The following TRAPPC3L variants were observed in gnomAD, a reference collection of about 807,000 sequenced individuals.
TRAPPC3L encodes the protein trafficking protein particle complex subunit 3L.
In TRAPPC3L, 23 loss-of-function variants were observed where a neutral mutation model predicts 23.7. The ratio of observed to expected loss-of-function variants is 0.97; its 90% CI spans 0.70 to 1.37. The LOEUF is 1.37. Ranked by LOEUF, TRAPPC3L falls within the 40% of genes most tolerant of loss-of-function variation. The pLI, the probability that TRAPPC3L is intolerant of heterozygous loss-of-function variation, is 0.00. For synonymous variants in TRAPPC3L, 81 were observed against 77.9 expected, an observed-to-expected ratio of 1.04 and a Z score of -0.21; for missense variants, 212 against 216.8, an observed-to-expected ratio of 0.98 and a Z score of 0.14.
chr6:116,509,660 TATACAAAA>T (rs1276739547), intron 3 of TRAPPC3L, among the ~76,000 whole-genome samples: 1 of 152,170 alleles, frequency 6.6e-6, no homozygotes, highest in African/African-American at 2.4e-5. Context: ...TCACTCACCA[TATACAAAA>T]ATAAACTCAA....
At position 116,496,278 on chromosome 6, in the gene TRAPPC3L, C is replaced by T. The variant is rs1235377358; in HGVS notation, c.*676G>A. 2 of 152,010 alleles carry T rather than the reference C, an allele frequency of 1.3e-5. No homozygotes were observed. The highest frequency in any genetic ancestry group is 2.9e-5 in the Non-Finnish European group (2 of 67,996). The allele number at this position is 152,010 out of a possible 1,614,324, so 9.4% of individuals were successfully genotyped here. A position where few individuals can be genotyped will look rare whatever the true frequency, so the allele number is the denominator to read the frequency against. ...TATTTTAGAAGTTTCCTGGCCTGAC[C>T]ATCAAGCAATATTTCATGAGAAAAG... On this transcript the variant is annotated 3_prime_UTR_variant, in exon 5 of 5. Transcript: ENST00000368602.
intron 1 of TRAPPC3L, chr6:116,543,905 A>G (rs1335976670): frequency 1.4e-6 from 2 of 1,474,838 alleles, no homozygotes; most frequent in African/African-American, 2.8e-5. Flanking sequence ...TAGAGAAAAA[A>G]GGGGAATGTG....
At chr6:116,508,454 G>A (rs1323275881) in intron 3 of TRAPPC3L, among the ~76,000 whole-genome samples, 2 of 152,164 alleles carry the variant, frequency 1.3e-5, no homozygotes. Context: ...ACTGGCTAAT[G>A]CAGAATTCAA....
rs374744334 is a variant in TRAPPC3L at position 116,495,139 on chromosome 6, C to A, written c.*1815G>T. 1.6e-4 allele frequency: 24 copies of A among 149,726 alleles called. No homozygotes were observed. Among genetic ancestry groups the A allele is most frequent in the African/African-American group, 5.4e-4 (22 of 40,500 alleles). The allele number at this position is 149,726 out of a possible 1,614,324, so 9.3% of individuals were successfully genotyped here. A position where few individuals can be genotyped will look rare whatever the true frequency, so the allele number is the denominator to read the frequency against. ...CATTCTATCTAACTATATTTTTGTA[C>A]CCATTAACCATCTCCACTCCTCTTG... On this transcript the variant is annotated 3_prime_UTR_variant, in exon 5 of 5. Coordinates refer to ENST00000368602, the MANE Select transcript of TRAPPC3L (RefSeq NM_001139444.3).
At chr6:116,501,292 G>T (rs147760254) in intron 3 of TRAPPC3L, among the ~76,000 whole-genome samples, 5 of 152,330 alleles carry the variant, frequency 3.3e-5, no homozygotes, top group Admixed American at 2.0e-4. Context: ...TTGGCGGGGG[G>T]AGGGGTGTCT....
At chr6:116,537,531 C>T (rs909980921) in intron 3 of TRAPPC3L, among the ~76,000 whole-genome samples, 4 of 152,134 alleles carry the variant, frequency 2.6e-5, no homozygotes, top group Non-Finnish European at 5.9e-5. Flanking sequence ...CTTTCCTATG[C>T]TCTCCATAGA....
chr6:116,500,416 T>C, intron 4 of TRAPPC3L, 65 bp downstream of exon 4: 1 of 1,374,020 alleles, frequency 7.3e-7, no homozygotes. Flanking sequence ...GTATATTGGT[T>C]ATCTTATTTT....
chr6:116,515,823 C>T (rs1772213212), intron 3 of TRAPPC3L: 1 of 1,613,962 alleles, frequency 6.2e-7, no homozygotes, highest in Non-Finnish European at 8.5e-7. Flanking sequence ...GATCCTTTTC[C>T]CATGCCTACG....
At chr6:116,540,795 A>G (rs1008094405) in intron 2 of TRAPPC3L, among the ~76,000 whole-genome samples, 1 of 152,194 alleles carries the variant, frequency 6.6e-6, no homozygotes, top group Non-Finnish European at 1.5e-5. Context: ...TAATTTTCTC[A>G]TCATTAGCTA....
At chr6:116,512,299 C>CT in intron 3 of TRAPPC3L, 1 of 1,496,520 alleles carries the variant, frequency 6.7e-7, no homozygotes, top group Non-Finnish European at 9.0e-7. Context: ...CTCTGTGCTC[C>CT]TTTCAGCCAG....
At chr6:116,508,390 A>C (rs1462247744) in intron 3 of TRAPPC3L, among the ~76,000 whole-genome samples, 2 of 152,228 alleles carry the variant, frequency 1.3e-5, no homozygotes, top group Non-Finnish European at 2.9e-5. Context: ...GATGGGGTTC[A>C]GGGAATCTCT....
At chr6:116,515,665 C>T in intron 3 of TRAPPC3L, 1 of 1,613,982 alleles carries the variant, frequency 6.2e-7, no homozygotes, top group South Asian at 1.1e-5. Context: ...GTTATGCTCG[C>T]TGCCGATCTA....
chr6:116,540,891 C>T (rs926905648), intron 2 of TRAPPC3L, among the ~76,000 whole-genome samples: 2 of 152,052 alleles, frequency 1.3e-5, no homozygotes, highest in African/African-American at 4.8e-5. Flanking sequence ...GCATTGTTAT[C>T]AGGGTAGAAG....
At chr6:116,512,105 C>T (rs1260361724) in intron 3 of TRAPPC3L, 1 of 1,613,912 alleles carries the variant, frequency 6.2e-7, no homozygotes, top group African/African-American at 1.3e-5. Context: ...AAGTTCAGGA[C>T]TCCTGGAACT....
intron 3 of TRAPPC3L, among the ~76,000 whole-genome samples, chr6:116,529,658 T>C (rs929209576): frequency 2.2e-4 from 33 of 152,200 alleles, no homozygotes; most frequent in Non-Finnish European, 8.8e-5. Context: ...GGTTGACAGG[T>C]AGGCAGTTGC....
chr6:116,519,337 G>T (rs960285239), intron 3 of TRAPPC3L: 1 of 152,156 alleles, frequency 6.6e-6, no homozygotes, highest in African/African-American at 2.4e-5. Context: ...TGACCTATGG[G>T]GGGGCTCTGG....
chr6:116,544,181 G>GAA lies in TRAPPC3L; in HGVS notation c.43-783_43-782dup, dbSNP rs71554854. Among the ~76,000 whole-genome samples, 9 of 151,272 alleles carry GAA rather than the reference G, an allele frequency of 5.9e-5. No homozygotes were observed. The East Asian group carries it at 1.5e-3, about 26-fold the overall frequency. On this transcript the variant is annotated intron_variant, in intron 1 of 4. Coordinates refer to ENST00000368602, the MANE Select transcript of TRAPPC3L (RefSeq NM_001139444.3). The stretch of plus-strand genomic sequence containing the variant: ...AGAGAGAGAGAGAGAGAGAGAGAGA[G>GAA]AATGATGAGATTGTTGTGACTAGCA...
intron 1 of TRAPPC3L, 22 bp downstream of exon 1, chr6:116,545,451 T>A: frequency 6.5e-7 from 1 of 1,536,440 alleles, no homozygotes; most frequent in East Asian, 2.5e-5. Flanking sequence ...GTAGAAAAAA[T>A]CTCTTTGTAG....
chr6:116,532,240 T>C (rs1210476934), intron 3 of TRAPPC3L, among the ~76,000 whole-genome samples: 1 of 150,934 alleles, frequency 6.6e-6, no homozygotes, highest in East Asian at 2.3e-4. Context: ...TGAAAAGTTC[T>C]TCTAGTATTT....
Sources: allele counts gnomAD v4.1 joint callset (sites outside exome capture counted in the v4.1 genomes callset), GRCh38; gene constraint gnomAD v4.1.1; transcripts MANE v1.5; gene names NCBI Gene and HGNC (gene_info 2026-07-23, HGNC 2026-07-21).